The following EYS variants were observed in gnomAD, a reference collection of about 807,000 sequenced individuals.
EYS encodes EGF-like photoreceptor maintenance factor.
In EYS, 250 loss-of-function variants were observed where a neutral mutation model predicts 282.1. The observed-to-expected ratio is 0.89, with a 90% CI of 0.80 to 0.98. The LOEUF (loss-of-function observed/expected upper bound fraction) is 0.98. Ranked by LOEUF, EYS falls within the 50% of genes least tolerant of loss-of-function variation. The pLI is 0.00. For synonymous variants in EYS, 1,355 were observed against 1,282.9 expected, an observed-to-expected ratio of 1.06 and a Z score of -1.20; for missense variants, 4,016 against 3,709.0, an observed-to-expected ratio of 1.08 and a Z score of -2.15.
chr6:63,753,987 C>G (rs116645834), intron 41 of EYS, among the ~76,000 whole-genome samples: 3 of 152,032 alleles, frequency 2.0e-5, no homozygotes, highest in Non-Finnish European at 4.4e-5. Context: ...TTTCTAATGC[C>G]CATTTAGGTC....
At chr6:65,384,296 A>C in intron 8 of EYS, 90 bp downstream of exon 8, 1 of 747,284 alleles carries the variant, frequency 1.3e-6, no homozygotes. Flanking sequence ...TTCTCTGGCT[A>C]AGATTAATAA....
chr6:65,377,017 A>G (rs1765393880), intron 8 of EYS, among the ~76,000 whole-genome samples: 1 of 152,216 alleles, frequency 6.6e-6, no homozygotes, highest in African/African-American at 2.4e-5. Flanking sequence ...CTCTGGACCA[A>G]GCAGCCCTAG....
At chr6:64,009,977 G>A (rs1405237094) in intron 33 of EYS, among the ~76,000 whole-genome samples, 1 of 151,532 alleles carries the variant, frequency 6.6e-6, no homozygotes, top group Non-Finnish European at 1.5e-5. Context: ...AGTGGGTTCA[G>A]TTAACTGGCT....
At chr6:63,974,529 A>G (rs114859364) in intron 35 of EYS, among the ~76,000 whole-genome samples, 201 of 152,150 alleles carry the variant, frequency 1.3e-3, no homozygotes, top group African/African-American at 4.4e-3. Context: ...ATCAGGGTAA[A>G]TGAGTTCTCC....
chr6:65,650,584 T>C (rs532915511), intron 1 of EYS, among the ~76,000 whole-genome samples: 2 of 152,344 alleles, frequency 1.3e-5, no homozygotes, highest in East Asian at 3.9e-4. Context: ...CTCTGCTCGA[T>C]CATTGACATC....
intron 31 of EYS, among the ~76,000 whole-genome samples, chr6:64,172,332 T>C (rs1003526769): frequency 1.3e-5 from 2 of 152,180 alleles, no homozygotes; most frequent in African/African-American, 2.4e-5. Flanking sequence ...CTAAAACTTA[T>C]ATGTCTTATA....
intron 22 of EYS, among the ~76,000 whole-genome samples, chr6:64,779,844 T>A (rs1410486795): frequency 6.6e-6 from 1 of 152,168 alleles, no homozygotes; most frequent in Non-Finnish European, 1.5e-5. Context: ...TGCTGTTTGA[T>A]AGATTAGTGA....
chr6:64,834,821 A>G (rs547657344), intron 19 of EYS, among the ~76,000 whole-genome samples: 1 of 151,934 alleles, frequency 6.6e-6, no homozygotes, highest in African/African-American at 2.4e-5. Flanking sequence ...TGATTAACAA[A>G]CACAATTCTT....
intron 26 of EYS, among the ~76,000 whole-genome samples, chr6:64,488,570 A>C (rs9451751): frequency 0.021 from 3,243 of 151,242 alleles, 56 homozygotes; most frequent in African/African-American, 0.053. Flanking sequence ...ATTGGCCAAG[A>C]AATTATTTCA....
chr6:64,797,899 C>T (rs1774407390), intron 22 of EYS, among the ~76,000 whole-genome samples: 1 of 151,880 alleles, frequency 6.6e-6, no homozygotes, highest in African/African-American at 2.4e-5. Context: ...TTCAGAGCTT[C>T]CTCAATACCC....
chr6:65,616,668 C>A (rs1766208735), intron 2 of EYS, among the ~76,000 whole-genome samples: 1 of 151,782 alleles, frequency 6.6e-6, no homozygotes, highest in Non-Finnish European at 1.5e-5. Context: ...TGCCTGTACT[C>A]CTAGCTACTC....
At chr6:65,614,115 TATC>T (rs1446963587) in intron 2 of EYS, among the ~76,000 whole-genome samples, 2 of 151,998 alleles carry the variant, frequency 1.3e-5, no homozygotes, top group African/African-American at 4.8e-5. Context: ...CATTTTCCAT[TATC>T]TTTAGGTTTA....
chr6:64,567,056 T>G (rs1024450746), intron 26 of EYS, among the ~76,000 whole-genome samples: 10 of 152,282 alleles, frequency 6.6e-5, no homozygotes, highest in Non-Finnish European at 1.5e-4. Context: ...ATTACAGGCA[T>G]GAGCCACTCC....
chr6:64,568,193 A>G (rs1378828195), intron 26 of EYS, among the ~76,000 whole-genome samples: 1 of 152,202 alleles, frequency 6.6e-6, no homozygotes, highest in Non-Finnish European at 1.5e-5. Context: ...GGGGTTTGGA[A>G]AAAACCACCA....
intron 36 of EYS, among the ~76,000 whole-genome samples, chr6:63,834,881 G>C (rs1191795617): frequency 1.3e-5 from 2 of 151,670 alleles, no homozygotes; most frequent in African/African-American, 4.9e-5. Context: ...CATAAAAAAG[G>C]ATGAGTTCAT....
In EYS at chr6:64,938,145, A is replaced by C. The variant is rs78857200; in HGVS notation, c.2381+7648T>G. Among the ~76,000 whole-genome samples the C allele has an allele frequency of 5.5e-3, 832 of 151,676 alleles. 8 individuals carry two copies. The highest frequency in any genetic ancestry group is 0.012 in the South Asian group (57 of 4,820). ...GGGAAGAAGGAAATGGGGAGAGGCT[A>C]TGGTAATGGTATGAGTTCCTTTGGA... is the stretch of plus-strand genomic sequence containing the variant. On this transcript the variant is annotated intron_variant, in intron 15 of 42. Coordinates refer to ENST00000503581, the MANE Select transcript of EYS (RefSeq NM_001142800.2).
At chr6:64,143,893 T>G (rs1774427406) in intron 31 of EYS, among the ~76,000 whole-genome samples, 3 of 152,034 alleles carry the variant, frequency 2.0e-5, no homozygotes, top group Admixed American at 2.0e-4. Flanking sequence ...TGTGTCATCT[T>G]TTTCTTTTGG....
chr6:63,786,657 A>C (rs568790022), intron 39 of EYS, among the ~76,000 whole-genome samples: 1 of 152,166 alleles, frequency 6.6e-6, no homozygotes, highest in African/African-American at 2.4e-5. Flanking sequence ...CTATGTAACA[A>C]ACCTGCACAT....
chr6:65,329,837 C>T, intron 11 of EYS: 1 of 982,046 alleles, frequency 1.0e-6, no homozygotes, highest in Non-Finnish European at 1.2e-6. Context: ...TTTTACAAGC[C>T]TCCTGACTCT....
Sources: allele counts gnomAD v4.1 joint callset (sites outside exome capture counted in the v4.1 genomes callset), GRCh38; gene constraint gnomAD v4.1.1; transcripts MANE v1.5; gene names NCBI Gene and HGNC (gene_info 2026-07-23, HGNC 2026-07-21).